Variants in TAFA2 observed in about 807,000 individuals in gnomAD.
TAFA2 encodes the protein chemokine-like protein TAFA-2.
In TAFA2, 7 loss-of-function variants were observed where a neutral mutation model predicts 18.8. That is an observed-to-expected ratio of 0.37 (90% CI 0.21 to 0.70). The LOEUF (loss-of-function observed/expected upper bound fraction) is 0.70, where lower values mean the gene tolerates loss of function less well. Ranked by LOEUF, TAFA2 falls within the 30% of genes least tolerant of loss-of-function variation. TAFA2 has a pLI of 0.53. For synonymous variants in TAFA2, 60 were observed against 54.2 expected, an observed-to-expected ratio of 1.11 and a Z score of -0.47; for missense variants, 122 against 158.1, an observed-to-expected ratio of 0.77 and a Z score of 1.23.
intron 1 of TAFA2, among the ~76,000 whole-genome samples, chr12:62,176,880 T>C (rs939023570): frequency 1.3e-5 from 2 of 152,222 alleles, no homozygotes; most frequent in East Asian, 1.9e-4. Context: ...TGAGATGCAA[T>C]ACTGTGTGGT....
intron 2 of TAFA2, among the ~76,000 whole-genome samples, chr12:61,843,270 G>A (rs1365443065): frequency 6.6e-6 from 1 of 152,012 alleles, no homozygotes; most frequent in Non-Finnish European, 1.5e-5. Flanking sequence ...CGAGTTTGCT[G>A]AACGGCTCTG....
intron 1 of TAFA2, among the ~76,000 whole-genome samples, chr12:62,156,475 A>C (rs2062370465): frequency 1.3e-5 from 2 of 152,312 alleles, no homozygotes; most frequent in South Asian, 4.1e-4. Flanking sequence ...AAATTACTAT[A>C]TGAAAAAGAT....
chr12:62,255,510 A>G (rs1025149230), intron 1 of TAFA2, among the ~76,000 whole-genome samples: 1 of 152,192 alleles, frequency 6.6e-6, no homozygotes, highest in Admixed American at 6.5e-5. Flanking sequence ...AGGTTTTTTT[A>G]TTATAATTAT....
intron 2 of TAFA2, among the ~76,000 whole-genome samples, chr12:61,768,002 A>T (rs1287200543): frequency 6.6e-6 from 1 of 152,098 alleles, no homozygotes; most frequent in Non-Finnish European, 1.5e-5. Flanking sequence ...TAGGAGAACC[A>T]CTTGTCAGCA....
intron 1 of TAFA2, among the ~76,000 whole-genome samples, chr12:62,032,693 C>T (rs919535078): frequency 9.2e-5 from 14 of 152,024 alleles, no homozygotes; most frequent in Non-Finnish European, 7.4e-5. Flanking sequence ...ATCTGTGGCT[C>T]CTTTTTAAAC....
chr12:62,084,124 C>T (rs1175920362), intron 1 of TAFA2, among the ~76,000 whole-genome samples: 3 of 152,148 alleles, frequency 2.0e-5, no homozygotes, highest in African/African-American at 7.2e-5. Flanking sequence ...CAAAGAGAAA[C>T]AAAATCATCT....
intron 1 of TAFA2, among the ~76,000 whole-genome samples, chr12:62,181,997 C>CCCG (rs1555196492): frequency 4.7e-5 from 7 of 150,220 alleles, no homozygotes; most frequent in Middle Eastern, 6.8e-3. Flanking sequence ...CCATCCCCCC[C>CCCG]CCGCTACACA....
chr12:61,764,229 T>C (rs906105607), intron 2 of TAFA2, among the ~76,000 whole-genome samples: 1 of 102,176 alleles, frequency 9.8e-6, no homozygotes, highest in African/African-American at 3.7e-5. Context: ...AGATGATTGA[T>C]TGATAGATAG....
At chr12:61,773,095 C>T (rs977491847) in intron 2 of TAFA2, among the ~76,000 whole-genome samples, 32 of 151,796 alleles carry the variant, frequency 2.1e-4, no homozygotes, top group Non-Finnish European at 3.7e-4. Context: ...AAGAACTCAA[C>T]TCATTTTATG....
chr12:61,832,180 C>T (rs987512368), intron 2 of TAFA2, among the ~76,000 whole-genome samples: 1 of 151,994 alleles, frequency 6.6e-6, no homozygotes, highest in Non-Finnish European at 1.5e-5. Context: ...CTCACTTGTA[C>T]CCAACACCAT....
intron 1 of TAFA2, among the ~76,000 whole-genome samples, chr12:62,081,967 C>A (rs930313171): frequency 6.6e-6 from 1 of 151,876 alleles, no homozygotes; most frequent in African/African-American, 2.4e-5. Flanking sequence ...CCGACAGGCC[C>A]CAGTGTATGT....
intron 1 of TAFA2, among the ~76,000 whole-genome samples, chr12:61,975,063 G>T (rs1879381026): frequency 6.6e-6 from 1 of 151,548 alleles, no homozygotes; most frequent in Non-Finnish European, 1.5e-5. Context: ...TGCACAAAGT[G>T]ATGTTTTCAT....
Position 61,842,176 on chromosome 12 carries a change from T to A in TAFA2, c.106+25144A>T, listed in dbSNP as rs75872591. 1.2e-3 allele frequency among the ~76,000 whole-genome samples: 184 copies of A among 151,680 alleles called. 5 individuals are homozygous for A. The East Asian group carries it at 0.03, about 25-fold the overall frequency. On this transcript the variant is annotated intron_variant, in intron 2 of 4. Transcript: ENST00000416284. ...GAGTCTTCTCAGCCACATAAATAGG[T>A]TTATTATGCACACGGGAAAAAATAG...
At chr12:62,077,912 A>T (rs1298147739) in intron 1 of TAFA2, among the ~76,000 whole-genome samples, 1 of 152,160 alleles carries the variant, frequency 6.6e-6, no homozygotes, top group Non-Finnish European at 1.5e-5. Context: ...GAGCATCTCT[A>T]CTTCTAAATT....
At chr12:62,103,117 A>G (rs1280755681) in intron 1 of TAFA2, among the ~76,000 whole-genome samples, 1 of 152,232 alleles carries the variant, frequency 6.6e-6, no homozygotes, top group Non-Finnish European at 1.5e-5. Context: ...GAAGAAAAGC[A>G]TCTTTTAACA....
chr12:61,753,696 C>T lies in TAFA2; in HGVS notation c.310G>A (p.Gly104Arg). The stretch of plus-strand genomic sequence containing the variant: ...TCCGGAAGAACTTTACATTCTTCTC[C>T]CTCTAGACATGGCTGCATATGGCAC... ...WWCHMQPCLE[G>R]EECKVLPDRK... The change falls in exon 4 of 5, where the codon GGA (glycine) becomes AGA (arginine). Residue 104 changes from glycine to arginine, a missense_variant. Around this residue, in one of 2 missense-constraint regions of TAFA2, gnomAD observed 60 missense variants for 102.7 expected, o/e 0.58. Coordinates refer to ENST00000416284, the MANE Select transcript of TAFA2 (RefSeq NM_178539.5). The T allele has an allele frequency of 6.2e-7, 1 of 1,612,554 alleles. No individual in the cohort carries two copies. The highest frequency in any genetic ancestry group is 8.5e-7 in the Non-Finnish European group (1 of 1,179,014).
chr12:62,210,931 C>A (rs1026378366), intron 1 of TAFA2, among the ~76,000 whole-genome samples: 11 of 151,778 alleles, frequency 7.2e-5, no homozygotes, highest in South Asian at 2.1e-4. Context: ...CCCCGCCCCC[C>A]AAAAAAACGG....
intron 4 of TAFA2, among the ~76,000 whole-genome samples, chr12:61,719,156 G>A (rs561191818): frequency 6.6e-6 from 1 of 152,188 alleles, no homozygotes; most frequent in Admixed American, 6.5e-5. Context: ...TTATTTCTGG[G>A]TTTAAGCCAA....
chr12:61,896,328 G>C (rs1294367761), intron 1 of TAFA2, among the ~76,000 whole-genome samples: 1 of 152,072 alleles, frequency 6.6e-6, no homozygotes, highest in East Asian at 1.9e-4. Flanking sequence ...CACAAATTAA[G>C]CCAAGATCTA....
Sources: gnomAD v4.1 joint callset for allele counts (sites outside exome capture counted in the v4.1 genomes callset) on GRCh38, gnomAD v4.1.1 for gene constraint, gnomAD v4.1.1 regional missense constraint, MANE v1.5 for transcripts, NCBI Gene and HGNC (gene_info 2026-07-23, HGNC 2026-07-21) for gene names.